The following MGAT4C variants were observed in gnomAD, a reference collection of about 807,000 sequenced individuals.
MGAT4C encodes MGAT4 family member C.
In MGAT4C, 19 loss-of-function variants were observed where a neutral mutation model predicts 40.1. That is an observed-to-expected ratio of 0.47 (90% CI 0.33 to 0.70). The LOEUF (loss-of-function observed/expected upper bound fraction) is 0.70, where lower values mean the gene tolerates loss of function less well. Among genes scored for constraint, MGAT4C ranks in the 30% least tolerant of loss-of-function variants. The pLI is 0.02. For synonymous variants in MGAT4C, 181 were observed against 187.1 expected, an observed-to-expected ratio of 0.97 and a Z score of 0.27; for missense variants, 491 against 563.2, an observed-to-expected ratio of 0.87 and a Z score of 1.30.
intron 1 of MGAT4C, among the ~76,000 whole-genome samples, chr12:86,771,702 GTGTGTGTGTGTGTGTGTGTGTA>G: frequency 6.7e-6 from 1 of 148,684 alleles, no homozygotes; most frequent in African/African-American, 2.5e-5. Context: ...GTGTGTGTGT[GTGTGTGTGTGTGTGTGTGTGTA>G]TGTGTGTGTG....
rs146687638 is a variant in MGAT4C at position 86,630,514 on chromosome 12, G to A, written c.-229+96695C>T. On this transcript the variant is annotated intron_variant, in intron 2 of 7. Coordinates refer to the MGAT4C transcript ENST00000548651. Reference sequence around the variant, plus strand: ...TGCAAAAATCCTCAATAAAATACTCGCAAACTGAATCCAGCAGCATATCAA... The same window carrying A: ...TGCAAAAATCCTCAATAAAATACTCACAAACTGAATCCAGCAGCATATCAA... Among the ~76,000 whole-genome samples, 1,327 of 152,170 alleles carry A rather than the reference G, an allele frequency of 8.7e-3. 8 individuals are homozygous for A. Among genetic ancestry groups the A allele is most frequent in the Middle Eastern group, 0.017 (5 of 294 alleles).
At position 86,191,083 on chromosome 12, in the gene MGAT4C, GCACACACACACACACACACA is replaced by G. The variant is rs56357601; in HGVS notation, c.-57+65136_-57+65155del. Among the ~76,000 whole-genome samples, 377 of 138,468 alleles carry G rather than the reference GCACACACACACACACACACA, an allele frequency of 2.7e-3. 3 individuals are homozygous for G. The highest frequency in any genetic ancestry group is 9.3e-3 in the African/African-American group (348 of 37,252). 90.8% of individuals were successfully genotyped at this position (138,468 alleles called of 152,430 possible). ...TTTCTTAAAATCACTCTCTCTCTCT[GCACACACACACACACACACA>G]CACACACACACACACACACACACAC... On this transcript the variant is annotated intron_variant, in intron 1 of 4. Coordinates refer to ENST00000611864, the MANE Select transcript of MGAT4C (RefSeq NM_001351288.2).
At chr12:86,508,147 C>T (rs1391083132) in intron 2 of MGAT4C, among the ~76,000 whole-genome samples, 74 of 151,742 alleles carry the variant, frequency 4.9e-4, no homozygotes, top group African/African-American at 1.6e-3. Flanking sequence ...CATGCTGGTG[C>T]GCTGCACCCA....
intron 2 of MGAT4C, among the ~76,000 whole-genome samples, chr12:86,515,739 T>C (rs1268921020): frequency 5.1e-5 from 6 of 117,722 alleles, no homozygotes; most frequent in African/African-American, 1.4e-4. Context: ...AAAGCAATTC[T>C]TTTTTTTTTT....
chr12:86,478,184 A>G (rs61950770), intron 2 of MGAT4C, among the ~76,000 whole-genome samples: 15,304 of 152,196 alleles, frequency 0.1, 1,007 homozygotes, highest in Middle Eastern at 0.25. Flanking sequence ...TATACAGGAG[A>G]GAGGTCAGAG....
At position 86,425,494 on chromosome 12, in the gene MGAT4C, C is replaced by A. The variant is rs374655704; in HGVS notation, c.-120+9663G>T. Among the ~76,000 whole-genome samples the A allele has an allele frequency of 1.5e-3, 232 of 152,320 alleles. 1 individual carries two copies. The highest frequency in any genetic ancestry group is 5.2e-3 in the African/African-American group (217 of 41,572). On this transcript the variant is annotated intron_variant, in intron 3 of 7. Coordinates refer to the MGAT4C transcript ENST00000548651. The stretch of plus-strand genomic sequence containing the variant: ...AATTGTAAGTTTCCTGAGGCCTCTG[C>A]AGCCATGCAGAACTGTGAGTCAATT...
chr12:86,821,808 A>G (rs1218546650), intron 1 of MGAT4C, among the ~76,000 whole-genome samples: 3 of 151,002 alleles, frequency 2.0e-5, no homozygotes, highest in Admixed American at 1.3e-4. Flanking sequence ...TAAAACCCTG[A>G]CAAAGGTTTA....
rs1883105371 is a variant in MGAT4C at position 85,961,448 on chromosome 12, T to C, written c.*17841A>G. The stretch of plus-strand genomic sequence containing the variant: ...ACTAATAATATTGAGATTTTACAAT[T>C]TAGGTTATAATCAAGATAATTATGT... On this transcript the variant is annotated 3_prime_UTR_variant, in exon 5 of 5. Transcript: ENST00000611864. 1 of 151,682 alleles carries C rather than the reference T, an allele frequency of 6.6e-6. No individual in the cohort carries two copies. Among genetic ancestry groups the C allele is most frequent in the Non-Finnish European group, 1.5e-5 (1 of 67,742 alleles). 9.4% of individuals were successfully genotyped at this position (151,682 alleles called of 1,614,324 possible). A position where few individuals can be genotyped will look rare whatever the true frequency, so the allele number is the denominator to read the frequency against.
rs558668678 is a variant in MGAT4C, at chr12:85,981,427, A to G, written c.296-997T>C. 2.0e-5 allele frequency among the ~76,000 whole-genome samples: 3 copies of G among 152,302 alleles called. No homozygotes were observed. The South Asian group carries it at 6.2e-4, about 32-fold the overall frequency. ...ATAGCACCTGTATAATGCGGTTTGT[A>G]TGATATTGAAAAAAGCCCCATTCCA... On this transcript the variant is annotated intron_variant, in intron 4 of 4. Coordinates refer to ENST00000611864, the MANE Select transcript of MGAT4C (RefSeq NM_001351288.2).
At position 85,978,012 on chromosome 12, in the gene MGAT4C, T is replaced by C. The variant is rs1884139114; in HGVS notation, c.*1277A>G. ...GACACACTAAGGTGTCCTGAATTAC[T>C]TTAACGGACACATTGTAAAGACACA... On this transcript the variant is annotated 3_prime_UTR_variant, in exon 5 of 5. Transcript: ENST00000611864. The C allele has an allele frequency of 6.6e-6, 1 of 151,570 alleles. No individual in the cohort carries two copies. The highest frequency in any genetic ancestry group is 6.6e-5 in the Admixed American group (1 of 15,174). The allele number at this position is 151,570 out of a possible 1,614,324, so 9.4% of individuals were successfully genotyped here.
chr12:86,677,881 C>T (rs746105733), intron 2 of MGAT4C, among the ~76,000 whole-genome samples: 15 of 152,066 alleles, frequency 9.9e-5, no homozygotes, highest in Non-Finnish European at 1.3e-4. Flanking sequence ...AACTGTTAAA[C>T]GAAAGACTAT....
intron 2 of MGAT4C, among the ~76,000 whole-genome samples, chr12:86,603,703 C>A (rs1961918691): frequency 8.0e-6 from 1 of 125,652 alleles, no homozygotes; most frequent in Admixed American, 8.7e-5. Context: ...TATATATTAT[C>A]TATAGTCTAT....
chr12:86,481,198 T>C (rs1229314623), intron 2 of MGAT4C, among the ~76,000 whole-genome samples: 1 of 152,068 alleles, frequency 6.6e-6, no homozygotes, highest in Non-Finnish European at 1.5e-5. Context: ...TTCATTTTCT[T>C]TTTAAAATTT....
intron 2 of MGAT4C, among the ~76,000 whole-genome samples, chr12:86,502,826 TACAC>T (rs869309012): frequency 2.0e-4 from 9 of 45,936 alleles, no homozygotes; most frequent in African/African-American, 4.1e-4. Flanking sequence ...TATATATGTA[TACAC>T]GAGTTCTGCT....
chr12:86,457,510 T>C (rs561251903), intron 2 of MGAT4C, among the ~76,000 whole-genome samples: 1 of 152,278 alleles, frequency 6.6e-6, no homozygotes, highest in South Asian at 2.1e-4. Flanking sequence ...GGAAAGACAA[T>C]GTTATTTCTG....
chr12:86,361,424 G>GATGC (rs1566321896), intron 3 of MGAT4C, among the ~76,000 whole-genome samples: 1 of 152,158 alleles, frequency 6.6e-6, no homozygotes, highest in Non-Finnish European at 1.5e-5. Context: ...ACATAGGCAT[G>GATGC]GGCAAGGACT....
intron 2 of MGAT4C, among the ~76,000 whole-genome samples, chr12:86,438,088 C>A (rs1247663331): frequency 1.3e-5 from 2 of 151,908 alleles, no homozygotes; most frequent in Non-Finnish European, 2.9e-5. Context: ...AAAAGCTAGG[C>A]TTCTTATGCT....
At position 86,744,801 on chromosome 12, in the gene MGAT4C, A is replaced by T. The variant is rs1199022668; in HGVS notation, c.-261-17560T>A. ...GTAAAAGCTCTCCTTCAAGTGTGTC[A>T]CTTAAAAAATAGCTGCACCACATCT... On this transcript the variant is annotated intron_variant, in intron 1 of 7. Transcript: ENST00000548651. Among the ~76,000 whole-genome samples, 16 of 151,546 alleles carry T rather than the reference A, an allele frequency of 1.1e-4. No homozygotes were observed. In the Admixed American group the frequency reaches 1.1e-3, roughly 10 times the overall value.
chr12:86,772,638 T>C (rs1565980019), intron 1 of MGAT4C, among the ~76,000 whole-genome samples: 2 of 151,920 alleles, frequency 1.3e-5, no homozygotes, highest in Non-Finnish European at 2.9e-5. Context: ...ACCATGATGG[T>C]CCAGAGGACT....
Sources: gnomAD v4.1 joint callset for allele counts (sites outside exome capture counted in the v4.1 genomes callset) on GRCh38, gnomAD v4.1.1 for gene constraint, MANE v1.5 for transcripts, NCBI Gene and HGNC (gene_info 2026-07-23, HGNC 2026-07-21) for gene names.